The following PF4V1 variants were observed in gnomAD, a reference collection of about 807,000 sequenced individuals.
PF4V1 encodes the protein platelet factor 4 variant.
In PF4V1, 4 loss-of-function variants were observed where a neutral mutation model predicts 6.9. The ratio of observed to expected loss-of-function variants is 0.58; its 90% confidence interval spans 0.29 to 1.34. The LOEUF is 1.34. Ranked by LOEUF, PF4V1 falls within the 40% of genes most tolerant of loss-of-function variation. PF4V1 has a pLI of 0.09. For synonymous variants in PF4V1, 68 were observed against 55.9 expected (o/e 1.22, Z -0.97); for missense variants, 127 against 128.6 (o/e 0.99, Z 0.06).
Position 73,854,037 on chromosome 4 carries a change from C to G in PF4V1, c.230C>G (p.Ala77Gly), listed in dbSNP as rs201668251. The G allele has an allele frequency of 6.2e-7, 1 of 1,613,958 alleles. No homozygotes were observed. The highest frequency in any genetic ancestry group is 8.5e-7 in the Non-Finnish European group (1 of 1,179,952). Residue 77 changes from alanine (A) to glycine (G), a missense_variant and splice_region_variant, in exon 3 of 3, where the codon GCC (alanine) becomes GGC (glycine). Transcript: ENST00000226524. ...GTCTCTTCTCTTTTCCCTGCCAGAG[C>G]CACGCTGAAGAATGGGAGGAAAATT... Reference protein sequence around the residue: ...GPHCPTAQLIATLKNGRKICL... With the variant: ...GPHCPTAQLIGTLKNGRKICL...
rs1394196053 is a variant in PF4V1 at position 73,854,334 on chromosome 4, C to T, written c.*212C>T. On this transcript the variant is annotated 3_prime_UTR_variant, in exon 3 of 3. Coordinates refer to ENST00000226524, the MANE Select transcript of PF4V1 (RefSeq NM_002620.4). ...AAGCAAAAAGCATTATGAAGGAAGG[C>T]TTGGTTTAATAAAGACTGATTTTGT... 2.6e-5 allele frequency among the ~76,000 whole-genome samples: 4 copies of T among 152,070 alleles called. No homozygotes were observed. Among genetic ancestry groups the T allele is most frequent in the Non-Finnish European group, 5.9e-5 (4 of 68,020 alleles).
rs996437610 is a variant in PF4V1, at chr4:73,853,425, G to A, written c.63G>A (p.Ala21=). The change falls in exon 1 of 3, where the codon GCG becomes GCA. Residue 21 remains alanine, a synonymous_variant. Transcript: ENST00000226524. ...RATRQEMLFL[A]LLLLPVVVAF... Reference sequence around the variant, plus strand: ...CCCGCCAGGAGATGCTGTTCTTGGCGTTGCTGCTCCTGCCAGTTGTGGTCG... The same window carrying A: ...CCCGCCAGGAGATGCTGTTCTTGGCATTGCTGCTCCTGCCAGTTGTGGTCG... 7 of 1,614,030 alleles carry A rather than the reference G, an allele frequency of 4.3e-6. No individual in the cohort carries two copies. Among genetic ancestry groups the A allele is most frequent in the Non-Finnish European group, 5.1e-6 (6 of 1,180,022 alleles).
chr4:73,853,553 A>T (rs1731474323), intron 1 of PF4V1, 91 bp downstream of exon 1: 1 of 1,463,118 alleles, frequency 6.8e-7, no homozygotes, highest in Non-Finnish European at 9.3e-7. Context: ...TAGGATCATG[A>T]TCGCAGCTGC....
Position 73,854,089 on chromosome 4 carries a change from C to T in PF4V1, c.282C>T (p.Tyr94=). The change falls in exon 3 of 3, where the codon TAC becomes TAT. Residue 94 remains tyrosine (Y), a synonymous_variant. Transcript: ENST00000226524. The part of the protein sequence containing the change: ...KICLDLQALL[Y]KKIIKEHLES ...GCTTGGATCTGCAAGCCCTGCTGTA[C>T]AAGAAAATCATTAAGGAACATTTGG... 10 of 1,614,068 alleles carry T rather than the reference C, an allele frequency of 6.2e-6. No homozygotes were observed. Among genetic ancestry groups the T allele is most frequent in the Non-Finnish European group, 8.5e-6 (10 of 1,179,928 alleles).
chr4:73,854,384 A>G lies in PF4V1; in HGVS notation c.*262A>G, dbSNP rs1019501559. On this transcript the variant is annotated 3_prime_UTR_variant, in exon 3 of 3. Transcript: ENST00000226524. ...TTCAGTGTTATATGTTAGCTGATACATATTTGTTCATTTATGTGATTGCAG... is the reference window on the plus strand; with the variant it reads ...TTCAGTGTTATATGTTAGCTGATACGTATTTGTTCATTTATGTGATTGCAG... Among the ~76,000 whole-genome samples the G allele has an allele frequency of 1.3e-5, 2 of 152,204 alleles. No individual in the cohort carries two copies. The highest frequency in any genetic ancestry group is 2.9e-5 in the Non-Finnish European group (2 of 68,038).
Position 73,853,346 on chromosome 4 carries a change from G to A in PF4V1, c.-17G>A. ...TTTCCCTGCGCACTGGGATCCTGCT[G>A]GAACCTCAGCTGCAACATGAGCTCC... On this transcript the variant is annotated 5_prime_UTR_variant, in exon 1 of 3. Transcript: ENST00000226524. 1.9e-6 allele frequency: 3 copies of A among 1,609,606 alleles called. No individual in the cohort carries two copies. The highest frequency in any genetic ancestry group is 2.6e-6 in the Non-Finnish European group (3 of 1,176,012).
In PF4V1 at chr4:73,854,072, C is replaced by T. The variant is rs954048729; in HGVS notation, c.265C>T (p.Leu89=). 2.5e-6 allele frequency: 4 copies of T among 1,614,074 alleles called. No homozygotes were observed. In the African/African-American group the frequency reaches 4.0e-5, roughly 16 times the overall value. ...GAATGGGAGGAAAATTTGCTTGGAT[C>T]TGCAAGCCCTGCTGTACAAGAAAAT... ...LKNGRKICLD[L]QALLYKKIIK... Residue 89 remains leucine, a synonymous_variant, in exon 3 of 3, where the codon CTG becomes TTG. Coordinates refer to ENST00000226524, the MANE Select transcript of PF4V1 (RefSeq NM_002620.4).
Position 73,854,244 on chromosome 4 carries a change from TTAA to T in PF4V1, c.*128_*130del, listed in dbSNP as rs750008799. 2.0e-5 allele frequency: 13 copies of T among 663,850 alleles called. No homozygotes were observed. The highest frequency in any genetic ancestry group is 3.0e-5 in the Non-Finnish European group (12 of 401,460). The allele number at this position is 663,850 out of a possible 1,614,324, so 41.1% of individuals were successfully genotyped here. The stretch of plus-strand genomic sequence containing the variant: ...AGTTGTGGTATAGTCAATCTATTTC[TTAA>T]TAATACTGCAAAAATAATGCTGACA... On this transcript the variant is annotated 3_prime_UTR_variant, in exon 3 of 3. Coordinates refer to ENST00000226524, the MANE Select transcript of PF4V1 (RefSeq NM_002620.4).
chr4:73,853,609 G>T, intron 1 of PF4V1, 147 bp downstream of exon 1: 2 of 1,275,998 alleles, frequency 1.6e-6, no homozygotes, highest in Non-Finnish European at 2.2e-6. Flanking sequence ...GCCAGGCACT[G>T]CACGTGCACC....
At position 73,854,368 on chromosome 4, in the gene PF4V1, A is replaced by G. The variant is rs116599437; in HGVS notation, c.*246A>G. ...ATAAAGACTGATTTTGTTCAGTGTT[A>G]TATGTTAGCTGATACATATTTGTTC... On this transcript the variant is annotated 3_prime_UTR_variant, in exon 3 of 3. Transcript: ENST00000226524. 0.011 allele frequency among the ~76,000 whole-genome samples: 1,735 copies of G among 152,328 alleles called. 27 individuals carry two copies. Among genetic ancestry groups the G allele is most frequent in the African/African-American group, 0.04 (1,657 of 41,570 alleles).
Position 73,854,134 on chromosome 4 carries a change from C to T in PF4V1, c.*12C>T, listed in dbSNP as rs774957112. The T allele has an allele frequency of 6.3e-6, 10 of 1,580,452 alleles. No homozygotes were observed. In the South Asian group the frequency reaches 6.6e-5, roughly 10 times the overall value. On this transcript the variant is annotated 3_prime_UTR_variant, in exon 3 of 3. Transcript: ENST00000226524. ...ATTTGGAGAGTTAGCTACTAGCTGC[C>T]TAAGTGTGCACTTTCAATCTAACTG...
intron 2 of PF4V1, 42 bp from the exon 3 acceptor site, chr4:73,853,993 C>T: frequency 2.5e-6 from 4 of 1,612,460 alleles, no homozygotes; most frequent in Middle Eastern, 1.7e-4. Flanking sequence ...CATTTGCAAA[C>T]CCAAGGACTG....
intron 1 of PF4V1, 127 bp downstream of exon 1, chr4:73,853,589 C>T (rs1731475372): frequency 5.3e-6 from 7 of 1,309,514 alleles, no homozygotes; most frequent in Middle Eastern, 2.6e-4. Flanking sequence ...GCTGAGTCTG[C>T]GGGTACAGTG....
At chr4:73,853,575 G>T in intron 1 of PF4V1, 113 bp downstream of exon 1, 4 of 1,359,784 alleles carry the variant, frequency 2.9e-6, no homozygotes, top group African/African-American at 1.4e-5. Context: ...CTTATTGCGC[G>T]CGTGCTGAGT....
In PF4V1 at chr4:73,853,839, G is replaced by A; in HGVS notation, c.157G>A (p.Val53Ile). Reference sequence around the variant, plus strand: ...CCTGTGTGTGAAGACCACCTCCCAGGTCCGTCCCAGGCACATCACCAGCCT... The same window carrying A: ...CCTGTGTGTGAAGACCACCTCCCAGATCCGTCCCAGGCACATCACCAGCCT... ...QCLCVKTTSQVRPRHITSLEV... is the reference protein window; with the variant it reads ...QCLCVKTTSQIRPRHITSLEV... Residue 53 changes from valine to isoleucine, a missense_variant, in exon 2 of 3, where the codon GTC (valine) becomes ATC (isoleucine). Transcript: ENST00000226524. 1 of 1,613,410 alleles carries A rather than the reference G, an allele frequency of 6.2e-7. No homozygotes were observed. The highest frequency in any genetic ancestry group is 1.1e-5 in the South Asian group (1 of 91,002).
At chr4:73,853,506 G>A in intron 1 of PF4V1, 44 bp downstream of exon 1, 1 of 1,555,386 alleles carries the variant, frequency 6.4e-7, no homozygotes, top group Non-Finnish European at 8.7e-7. Context: ...GCGGCGAGGG[G>A]GAGTCCGGGA....
rs1319780153 is a variant in PF4V1, at chr4:73,853,430, T to C, written c.68T>C (p.Leu23Pro). Reference protein sequence around the residue: ...TRQEMLFLALLLLPVVVAFAR... With the variant: ...TRQEMLFLALPLLPVVVAFAR... ...CAGGAGATGCTGTTCTTGGCGTTGC[T>C]GCTCCTGCCAGTTGTGGTCGCCTTC... The change falls in exon 1 of 3, where the codon CTG becomes CCG. Residue 23 changes from leucine (L) to proline (P), a missense_variant. Coordinates refer to ENST00000226524, the MANE Select transcript of PF4V1 (RefSeq NM_002620.4). The C allele has an allele frequency of 1.2e-6, 2 of 1,613,970 alleles. No homozygotes were observed. The highest frequency in any genetic ancestry group is 2.7e-5 in the African/African-American group (2 of 74,948).
intron 1 of PF4V1, 29 bp downstream of exon 1, chr4:73,853,491 C>T (rs960823390): frequency 1.8e-5 from 29 of 1,576,320 alleles, no homozygotes; most frequent in South Asian, 9.2e-5. Flanking sequence ...CTGGGAGGGC[C>T]AGCAGCGGCG....
In PF4V1 at chr4:73,854,176, T is replaced by C; in HGVS notation, c.*54T>C. On this transcript the variant is annotated 3_prime_UTR_variant, in exon 3 of 3. Coordinates refer to ENST00000226524, the MANE Select transcript of PF4V1 (RefSeq NM_002620.4). Reference sequence around the variant, plus strand: ...ATCTAACTGTGAAAGAATCTTCTGATGTTTGTATTATCCTTCTTATATTAT... The same window carrying C: ...ATCTAACTGTGAAAGAATCTTCTGACGTTTGTATTATCCTTCTTATATTAT... The C allele has an allele frequency of 2.4e-6, 3 of 1,237,210 alleles. No homozygotes were observed. The highest frequency in any genetic ancestry group is 1.8e-5 in the Admixed American group (1 of 55,754). 76.6% of individuals were successfully genotyped at this position (1,237,210 alleles called of 1,614,324 possible). A position where few individuals can be genotyped will look rare whatever the true frequency, so the allele number is the denominator to read the frequency against.
Sources: gnomAD v4.1 joint callset for allele counts (sites outside exome capture counted in the v4.1 genomes callset) on GRCh38, gnomAD v4.1.1 for gene constraint, MANE v1.5 for transcripts, NCBI Gene and HGNC (gene_info 2026-07-23, HGNC 2026-07-21) for gene names.